The following MPND variants were observed in gnomAD, a reference collection of about 807,000 sequenced individuals.
MPND encodes the protein MPN domain-containing protein.
MPND carries 56 observed loss-of-function variants against 59.2 expected under a neutral mutation model. The ratio of observed to expected loss-of-function variants is 0.95; its 90% CI spans 0.76 to 1.18. The LOEUF (loss-of-function observed/expected upper bound fraction) is 1.18. Among genes scored for constraint, MPND ranks in the 50% most tolerant of loss-of-function variants. MPND has a pLI of 0.00. For missense variants in MPND, 671 were observed against 676.0 expected (o/e 0.99, Z 0.08); for synonymous variants, 323 against 291.9 (o/e 1.11, Z -1.09).
intron 3 of MPND, among the ~76,000 whole-genome samples, chr19:4,350,732 C>G (rs901584473): frequency 1.3e-5 from 2 of 152,084 alleles, no homozygotes; most frequent in Non-Finnish European, 2.9e-5. Context: ...GTGAGTCCCC[C>G]ACATGGAGAC....
At chr19:4,352,742 C>T (rs1041422733) in intron 3 of MPND, among the ~76,000 whole-genome samples, 155 bp from the exon 4 acceptor site, 2 of 151,998 alleles carry the variant, frequency 1.3e-5, no homozygotes, top group African/African-American at 4.8e-5. Context: ...GAGGTCTTAG[C>T]TTAAGGCCTT....
At chr19:4,356,647 TTCC>T (rs1225122297) in intron 8 of MPND, 15 of 151,940 alleles carry the variant, frequency 9.9e-5, no homozygotes, top group African/African-American at 3.4e-4. Flanking sequence ...TTTTTTTTTT[TTCC>T]TTTTCTTTGA....
At chr19:4,344,244 C>A (rs906322481) in intron 2 of MPND, among the ~76,000 whole-genome samples, 1 of 148,250 alleles carries the variant, frequency 6.7e-6, no homozygotes, top group African/African-American at 2.5e-5. Context: ...CAGGAAGAGC[C>A]CCGACATGAA....
rs1972116260 is a variant in MPND at position 4,343,629 on chromosome 19, C to CGCGGGGCTGCA, written c.7+30_7+31insCGGGGCTGCAG. The CGCGGGGCTGCA allele has an allele frequency of 5.0e-6, 6 of 1,188,512 alleles. No individual in the cohort carries two copies. The Admixed American group carries it at 1.3e-4, about 27-fold the overall frequency. 73.6% of individuals were successfully genotyped at this position (1,188,512 alleles called of 1,614,324 possible). A position where few individuals can be genotyped will look rare whatever the true frequency, so the allele number is the denominator to read the frequency against. On this transcript the variant is annotated intron_variant, in intron 1 of 12. Coordinates refer to ENST00000599840, the MANE Select transcript of MPND (RefSeq NM_001300862.2). ...CGGCGGGCCCAGCGGGGCGGAGGCG[C>CGCGGGGCTGCA]GGGGCGCGGGGCTGCAGGGGCGCGG...
Position 4,357,491 on chromosome 19 carries a change from A to G in MPND, c.1166-24A>G, listed in dbSNP as rs375734023. The G allele has an allele frequency of 1.6e-5, 25 of 1,611,360 alleles. No individual in the cohort carries two copies. In the African/African-American group the frequency reaches 2.5e-4, roughly 16 times the overall value. ...GGGCCAGCCGAGCCTCCCAGGGCCA[A>G]CCCCTCTCCCTCTCTCCCGCCAGCC... On this transcript the variant is annotated intron_variant, in intron 9 of 12. Coordinates refer to ENST00000599840, the MANE Select transcript of MPND (RefSeq NM_001300862.2).
At position 4,357,512 on chromosome 19, in the gene MPND, C is replaced by CT. The variant is rs1434269248; in HGVS notation, c.1166-3_1166-2insT. 6.2e-7 allele frequency: 1 copy of CT among 1,613,320 alleles called. No individual in the cohort carries two copies. The highest frequency in any genetic ancestry group is 1.3e-5 in the African/African-American group (1 of 74,944). On this transcript the variant is annotated splice_polypyrimidine_tract_variant and splice_region_variant and intron_variant, in intron 9 of 12. Coordinates refer to ENST00000599840, the MANE Select transcript of MPND (RefSeq NM_001300862.2). ...GCCAACCCCTCTCCCTCTCTCCCGC[C>CT]AGCCCCTTACTATTCTGGCAACCCA...
intron 3 of MPND, chr19:4,348,585 A>T (rs1414242135): frequency 6.6e-6 from 1 of 150,414 alleles, no homozygotes; most frequent in Non-Finnish European, 1.5e-5. Context: ...CACCTTCACT[A>T]GTTTCTTTTT....
At chr19:4,343,665 C>T (rs556308252) in intron 1 of MPND, 43 bp from the exon 2 acceptor site, 1 of 762,240 alleles carries the variant, frequency 1.3e-6, no homozygotes, top group Non-Finnish European at 1.6e-6. Context: ...GGCTGCAGAG[C>T]CGTGGGGCGA....
chr19:4,346,258 C>A (rs895257756), intron 3 of MPND, among the ~76,000 whole-genome samples: 4 of 152,050 alleles, frequency 2.6e-5, no homozygotes, highest in Non-Finnish European at 5.9e-5. Context: ...GTCATGTAGA[C>A]AAGAAGAAAG....
At chr19:4,344,787 G>A (rs2144811936) in intron 2 of MPND, among the ~76,000 whole-genome samples, 1 of 144,668 alleles carries the variant, frequency 6.9e-6, no homozygotes, top group Admixed American at 7.0e-5. Context: ...TGCCCAGGCT[G>A]GAATGCAGTT....
At chr19:4,359,474 C>T (rs907619131) in intron 12 of MPND, among the ~76,000 whole-genome samples, 3 of 152,124 alleles carry the variant, frequency 2.0e-5, no homozygotes, top group Non-Finnish European at 4.4e-5. Context: ...CGGATGAGGT[C>T]CTGGCAGCGG....
chr19:4,343,954 TG>T lies in MPND; in HGVS notation c.255del (p.Leu86TrpfsTer50). On this transcript the variant is annotated frameshift_variant, in exon 2 of 13. Transcript: ENST00000599840. LOFTEE classifies it high-confidence loss of function. ...CTGCGGGTGCTCCTCAAAGACGCGC[TG>T]CTGGAGCCTGGCGCCGGGGTGCTGT... ...VTLRVLLKDA[L>X]LEPGAGVLSI... 1 of 1,385,736 alleles carries T rather than the reference TG, an allele frequency of 7.2e-7. No homozygotes were observed. The highest frequency in any genetic ancestry group is 1.6e-5 in the South Asian group (1 of 62,922). The allele number at this position is 1,385,736 out of a possible 1,614,324, so 85.8% of individuals were successfully genotyped here. A position where few individuals can be genotyped will look rare whatever the true frequency, so the allele number is the denominator to read the frequency against.
chr19:4,357,977 C>T (rs750607255), intron 10 of MPND, 106 bp from the exon 11 acceptor site: 31 of 869,590 alleles, frequency 3.6e-5, no homozygotes, highest in Middle Eastern at 2.4e-4. Context: ...AGAGCTGAGC[C>T]GGGGTGTGCA....
At position 4,359,999 on chromosome 19, in the gene MPND, C is replaced by A; in HGVS notation, c.1503C>A (p.Ser501Arg). 1 of 1,560,534 alleles carries A rather than the reference C, an allele frequency of 6.4e-7. No homozygotes were observed. Among genetic ancestry groups the A allele is most frequent in the East Asian group, 2.4e-5 (1 of 41,380 alleles). The change falls in exon 13 of 13, where the codon AGC (serine) becomes AGA (arginine). Residue 501 changes from serine (S) to arginine (R), a missense_variant. By Grantham distance (110) the Ser-to-Arg change is moderately radical. Coordinates refer to ENST00000599840, the MANE Select transcript of MPND (RefSeq NM_001300862.2). ...TGTGCGGCGTCCTCAAGCAGGGGAG[C>A]TGAGCCTTCCAGGGCAGGGTGGGCT... The part of the protein sequence containing the change: ...EQVCGVLKQG[S>R]
chr19:4,357,177 C>G (rs1222155452), intron 8 of MPND, 76 bp from the exon 9 acceptor site: 1 of 1,466,932 alleles, frequency 6.8e-7, no homozygotes, highest in South Asian at 1.4e-5. Flanking sequence ...GGAATTCGTT[C>G]AGGGCTGGCC....
At chr19:4,357,458 G>T in intron 9 of MPND, 37 bp downstream of exon 9, 1 of 1,609,794 alleles carries the variant, frequency 6.2e-7, no homozygotes, top group Non-Finnish European at 8.5e-7. Context: ...GCAAGGAGGG[G>T]GGATGCTGGG....
At chr19:4,352,064 T>G (rs979738165) in intron 3 of MPND, among the ~76,000 whole-genome samples, 1 of 151,180 alleles carries the variant, frequency 6.6e-6, no homozygotes, top group African/African-American at 2.4e-5. Context: ...TCCCAGCTAC[T>G]CAGGAGGCTG....
At position 4,347,846 on chromosome 19, in the gene MPND, T is replaced by C. The variant is rs569077946; in HGVS notation, c.531+1865T>C. On this transcript the variant is annotated intron_variant, in intron 3 of 12. Transcript: ENST00000599840. ...TCTACAAGGAACTGGCAAATGTTCT[T>C]GCACTGGTCACTCTGTAGCTGAATT... The C allele has an allele frequency of 2.3e-4, 67 of 287,544 alleles. 1 individual carries two copies. The highest frequency in any genetic ancestry group is 9.1e-4 in the African/African-American group (41 of 45,042). 17.8% of individuals were successfully genotyped at this position (287,544 alleles called of 1,614,324 possible).
At position 4,344,022 on chromosome 19, in the gene MPND, C is replaced by G. The variant is rs1972131072; in HGVS notation, c.294+28C>G. The G allele has an allele frequency of 2.3e-6, 3 of 1,286,272 alleles. No homozygotes were observed. The African/African-American group carries it at 4.6e-5, about 20-fold the overall frequency. The allele number at this position is 1,286,272 out of a possible 1,614,324, so 79.7% of individuals were successfully genotyped here. On this transcript the variant is annotated intron_variant, in intron 2 of 12. Coordinates refer to ENST00000599840, the MANE Select transcript of MPND (RefSeq NM_001300862.2). Reference sequence around the variant, plus strand: ...GAGCACCCCGCCTCCCTCGTCCCATCGCGGCTCGGGCAGGAAGGGGAAACT... The same window carrying G: ...GAGCACCCCGCCTCCCTCGTCCCATGGCGGCTCGGGCAGGAAGGGGAAACT...
Sources: gnomAD v4.1 joint callset for allele counts (sites outside exome capture counted in the v4.1 genomes callset) on GRCh38, gnomAD v4.1.1 for gene constraint, MANE v1.5 for transcripts, NCBI Gene and HGNC (gene_info 2026-07-23, HGNC 2026-07-21) for gene names.